Variants in SIRT7 observed in about 807,000 individuals in gnomAD.
The protein encoded by SIRT7 is NAD-dependent protein deacetylase sirtuin-7.
In SIRT7, 32 loss-of-function variants were observed where a neutral mutation model predicts 42.8. The observed-to-expected ratio is 0.75, with a 90% CI of 0.56 to 1.00. The LOEUF (loss-of-function observed/expected upper bound fraction) is 1.00, where lower values mean the gene tolerates loss of function less well. Ranked by LOEUF, SIRT7 falls within the 50% of genes least tolerant of loss-of-function variation. The pLI, the probability that SIRT7 is intolerant of heterozygous loss-of-function variation, is 0.00. For synonymous variants in SIRT7, 297 were observed against 245.2 expected (o/e 1.21, Z -1.97); for missense variants, 553 against 572.2 (o/e 0.97, Z 0.34).
In SIRT7 at chr17:81,913,288, A is replaced by C. The variant is rs2040728328; in HGVS notation, c.1004+486T>G. ...AAAAGAAGTTATTGATTTCCCCTAT[A>C]AGACCCTGAAAATTCACAGAGAAAG... On this transcript the variant is annotated intron_variant, in intron 9 of 9. Transcript: ENST00000328666. This position sits in a 1 kb window ranked among gnomAD's most constrained non-coding sequence, Gnocchi z 5.0. The C allele has an allele frequency of 1.1e-5, 5 of 456,282 alleles. No homozygotes were observed. Among genetic ancestry groups the C allele is most frequent in the South Asian group, 6.2e-5 (4 of 64,352 alleles). 28.3% of individuals were successfully genotyped at this position (456,282 alleles called of 1,614,324 possible).
At chr17:81,912,899 G>A (rs1324254271) in intron 9 of SIRT7, 4 of 499,916 alleles carry the variant, frequency 8.0e-6, no homozygotes, top group Non-Finnish European at 1.5e-5. Flanking sequence ...GCACACACAG[G>A]GTGGGGCAGC....
chr17:81,912,139 C>CG lies in SIRT7; in HGVS notation c.*276dup. On this transcript the variant is annotated 3_prime_UTR_variant, in exon 10 of 10. Transcript: ENST00000328666. ...CGCTGGGCGCTTCCACTCTGCAGGC[C>CG]GGGGCTGAAATAACCCGAGTTCCGT... is the stretch of plus-strand genomic sequence containing the variant. 1.6e-5 allele frequency: 8 copies of CG among 510,318 alleles called. 1 individual carries two copies. In the Middle Eastern group the frequency reaches 1.6e-3, roughly 104 times the overall value. 31.6% of individuals were successfully genotyped at this position (510,318 alleles called of 1,614,324 possible). A position where few individuals can be genotyped will look rare whatever the true frequency, so the allele number is the denominator to read the frequency against.
At chr17:81,912,727 G>C (rs2040705761) in intron 9 of SIRT7, 113 bp from the exon 10 acceptor site, 2 of 1,160,318 alleles carry the variant, frequency 1.7e-6, no homozygotes, top group Admixed American at 4.0e-5. Context: ...CTTCCCTCCC[G>C]TGTCAACTGC....
At chr17:81,916,659 G>A (rs1465484619) in intron 3 of SIRT7, 3 of 152,038 alleles carry the variant, frequency 2.0e-5, no homozygotes, top group Non-Finnish European at 4.4e-5. Flanking sequence ...TAGAGACAGG[G>A]TTTCACCGTG....
chr17:81,917,046 A>C (rs1345134875), intron 3 of SIRT7: 1 of 152,230 alleles, frequency 6.6e-6, no homozygotes, highest in African/African-American at 2.4e-5. Context: ...CCAGCTTTAC[A>C]GTATGGTTAT....
chr17:81,911,978 A>C lies in SIRT7; in HGVS notation c.*438T>G, dbSNP rs1364595396. Reference sequence around the variant, plus strand: ...GTTTAATAGAAATAAAAAGGTCTGCATAGAGCCGAGGCTCGGAGCCACCCC... The same window carrying C: ...GTTTAATAGAAATAAAAAGGTCTGCCTAGAGCCGAGGCTCGGAGCCACCCC... On this transcript the variant is annotated 3_prime_UTR_variant, in exon 10 of 10. Coordinates refer to ENST00000328666, the MANE Select transcript of SIRT7 (RefSeq NM_016538.3). 1 of 229,820 alleles carries C rather than the reference A, an allele frequency of 4.4e-6. No individual in the cohort carries two copies. The highest frequency in any genetic ancestry group is 8.8e-6 in the Non-Finnish European group (1 of 113,718). The allele number at this position is 229,820 out of a possible 1,614,324, so 14.2% of individuals were successfully genotyped here.
intron 3 of SIRT7, 171 bp downstream of exon 3, chr17:81,917,444 T>A (rs1458568805): frequency 7.4e-6 from 4 of 541,560 alleles, no homozygotes; most frequent in African/African-American, 2.0e-5. Flanking sequence ...TTGTTTTTTT[T>A]AACTGGCTGT....
At chr17:81,917,257 T>A (rs2040821793) in intron 3 of SIRT7, 1 of 189,822 alleles carries the variant, frequency 5.3e-6, no homozygotes. Flanking sequence ...CAAAACACAA[T>A]GCAATTCTCT....
rs778117109 is a variant in SIRT7, at chr17:81,918,050, G to T, written c.82C>A (p.Arg28Ser). Residue 28 changes from arginine to serine, a missense_variant, in exon 1 of 10, where the codon CGC (arginine) becomes AGC (serine). Coordinates refer to ENST00000328666, the MANE Select transcript of SIRT7 (RefSeq NM_016538.3). ...RRLREEQQRE[R>S]LRQVSRILRK... is the part of the protein sequence containing the mutation. The stretch of plus-strand genomic sequence containing the variant: ...CGGCGGCGGCGTACCTGGCGGAGGC[G>T]CTCCCTCTGCTGCTCCTCCCGCAAC... The T allele has an allele frequency of 2.6e-6, 4 of 1,512,186 alleles. No individual in the cohort carries two copies. The South Asian group carries it at 4.9e-5, about 19-fold the overall frequency. The allele number at this position is 1,512,186 out of a possible 1,614,324, so 93.7% of individuals were successfully genotyped here. A position where few individuals can be genotyped will look rare whatever the true frequency, so the allele number is the denominator to read the frequency against.
At position 81,913,532 on chromosome 17, in the gene SIRT7, G is replaced by A. The variant is rs928789388; in HGVS notation, c.1004+242C>T. 17 of 514,494 alleles carry A rather than the reference G, an allele frequency of 3.3e-5. No homozygotes were observed. The highest frequency in any genetic ancestry group is 7.8e-5 in the African/African-American group (4 of 51,604). 31.9% of individuals were successfully genotyped at this position (514,494 alleles called of 1,614,324 possible). On this transcript the variant is annotated intron_variant, in intron 9 of 9. Transcript: ENST00000328666. The surrounding 1 kb of genome is among the most constrained non-coding windows in gnomAD (Gnocchi z 5.0). The stretch of plus-strand genomic sequence containing the variant: ...GGGGAGGCCTGGAGCAGGAGCACGC[G>A]GGCAGAATCCCTCTCCCCGCGGGGA...
rs560137203 is a variant in SIRT7 at position 81,914,112 on chromosome 17, G to A, written c.872C>T (p.Pro291Leu). 6.2e-6 allele frequency: 10 copies of A among 1,613,518 alleles called. No homozygotes were observed. Among genetic ancestry groups the A allele is most frequent in the East Asian group, 2.2e-5 (1 of 44,886 alleles). ...WCMTKPPSRR[P>L]KLYIVNLQWT... ...CTGCAGGTTCACGATGTAAAGCTTCGGCCGCCGGCTAGGGGGCTTGGTCAT... is the reference window on the plus strand; with the variant it reads ...CTGCAGGTTCACGATGTAAAGCTTCAGCCGCCGGCTAGGGGGCTTGGTCAT... The change falls in exon 8 of 10, where the codon CCG becomes CTG. Residue 291 changes from proline to leucine, a missense_variant. Coordinates refer to ENST00000328666, the MANE Select transcript of SIRT7 (RefSeq NM_016538.3).
chr17:81,915,693 G>A lies in SIRT7; in HGVS notation c.337-12C>T, dbSNP rs1252466706. ...GGGATAGACGCTGCCTGCATGTCGA[G>A]AAAAAAGGTAAGCCAAGTCAAAAGG... On this transcript the variant is annotated splice_polypyrimidine_tract_variant and intron_variant, in intron 3 of 9. Coordinates refer to ENST00000328666, the MANE Select transcript of SIRT7 (RefSeq NM_016538.3). 6.2e-7 allele frequency: 1 copy of A among 1,613,192 alleles called. No individual in the cohort carries two copies. The highest frequency in any genetic ancestry group is 8.5e-7 in the Non-Finnish European group (1 of 1,179,798).
Position 81,915,516 on chromosome 17 carries a change from C to T in SIRT7, c.408-4G>A, listed in dbSNP as rs1280251461. 5.6e-6 allele frequency: 9 copies of T among 1,613,446 alleles called. No homozygotes were observed. Among genetic ancestry groups the T allele is most frequent in the Non-Finnish European group, 7.6e-6 (9 of 1,179,882 alleles). On this transcript the variant is annotated splice_region_variant and splice_polypyrimidine_tract_variant and intron_variant, in intron 4 of 9. Coordinates refer to ENST00000328666, the MANE Select transcript of SIRT7 (RefSeq NM_016538.3). ...GGCCTCGCTCAGGTCGGCAGCACTG[C>T]CAGGCAGAAAGGAAGGCAAGGTGAG... is the stretch of plus-strand genomic sequence containing the variant.
chr17:81,915,958 C>A, intron 3 of SIRT7: 1 of 459,132 alleles, frequency 2.2e-6, no homozygotes, highest in South Asian at 2.0e-5. Context: ...TCTCTGGCAC[C>A]GAGCACAAAG....
At position 81,912,630 on chromosome 17, in the gene SIRT7, A is replaced by C. The variant is rs752640962; in HGVS notation, c.1005-16T>G. 3.7e-6 allele frequency: 6 copies of C among 1,608,964 alleles called. No homozygotes were observed. In the South Asian group the frequency reaches 6.6e-5, roughly 18 times the overall value. On this transcript the variant is annotated splice_polypyrimidine_tract_variant and intron_variant, in intron 9 of 9. Coordinates refer to ENST00000328666, the MANE Select transcript of SIRT7 (RefSeq NM_016538.3). ...ATCCTGCCACCTGCCAAAAAGGGAAAGCGGCATCAGGCGGGCCTGGGAGCC... is the reference window on the plus strand; with the variant it reads ...ATCCTGCCACCTGCCAAAAAGGGAACGCGGCATCAGGCGGGCCTGGGAGCC...
At chr17:81,915,380 T>A (rs1490997516) in intron 5 of SIRT7, 60 bp downstream of exon 5, 1 of 1,564,168 alleles carries the variant, frequency 6.4e-7, no homozygotes, top group Non-Finnish European at 8.7e-7. Context: ...AGTTGCCCAC[T>A]GGGCACCAAG....
chr17:81,912,004 T>C lies in SIRT7; in HGVS notation c.*412A>G, dbSNP rs2040667705. 1 of 241,832 alleles carries C rather than the reference T, an allele frequency of 4.1e-6. No homozygotes were observed. Among genetic ancestry groups the C allele is most frequent in the South Asian group, 4.3e-5 (1 of 23,430 alleles). 15.0% of individuals were successfully genotyped at this position (241,832 alleles called of 1,614,324 possible). A position where few individuals can be genotyped will look rare whatever the true frequency, so the allele number is the denominator to read the frequency against. ...TAGAGCCGAGGCTCGGAGCCACCCC[T>C]CTGCCGCACATCCAGTACAGAGAGG... On this transcript the variant is annotated 3_prime_UTR_variant, in exon 10 of 10. Transcript: ENST00000328666.
At position 81,913,065 on chromosome 17, in the gene SIRT7, A is replaced by C. The variant is rs1479618959; in HGVS notation, c.1005-451T>G. Reference sequence around the variant, plus strand: ...CTACAGACGACCCCGTGAAGAAAGCATGTGTCTGACGGAGATGCAGAACCA... The same window carrying C: ...CTACAGACGACCCCGTGAAGAAAGCCTGTGTCTGACGGAGATGCAGAACCA... On this transcript the variant is annotated intron_variant, in intron 9 of 9. Coordinates refer to ENST00000328666, the MANE Select transcript of SIRT7 (RefSeq NM_016538.3). This position sits in a 1 kb window ranked among gnomAD's most constrained non-coding sequence, Gnocchi z 5.0. 2.8e-6 allele frequency: 1 copy of C among 354,490 alleles called. No individual in the cohort carries two copies. Among genetic ancestry groups the C allele is most frequent in the Non-Finnish European group, 5.4e-6 (1 of 183,544 alleles). 22.0% of individuals were successfully genotyped at this position (354,490 alleles called of 1,614,324 possible). A position where few individuals can be genotyped will look rare whatever the true frequency, so the allele number is the denominator to read the frequency against.
rs1170708731 is a variant in SIRT7, at chr17:81,915,865, T to G, written c.337-184A>C. ...ATGGAGTGTACCCCAATTCGGCTCC[T>G]CCCTTCTACCTGGACTTCCGTTTCC... On this transcript the variant is annotated intron_variant, in intron 3 of 9. Coordinates refer to ENST00000328666, the MANE Select transcript of SIRT7 (RefSeq NM_016538.3). 5 of 653,284 alleles carry G rather than the reference T, an allele frequency of 7.7e-6. No individual in the cohort carries two copies. The East Asian group carries it at 1.4e-4, about 19-fold the overall frequency. The allele number at this position is 653,284 out of a possible 1,614,324, so 40.5% of individuals were successfully genotyped here. A position where few individuals can be genotyped will look rare whatever the true frequency, so the allele number is the denominator to read the frequency against.
Sources: allele counts gnomAD v4.1 joint callset, GRCh38; gene constraint gnomAD v4.1.1; non-coding constraint Gnocchi (gnomAD v3.1); transcripts MANE v1.5; gene names NCBI Gene and HGNC (gene_info 2026-07-23, HGNC 2026-07-21).